ZNF37A: variants seen among roughly 807,000 people sequenced by gnomAD.
ZNF37A encodes the protein zinc finger protein 37a (KOX 21).
A neutral mutation model predicts 12.3 loss-of-function variants in ZNF37A; 10 were observed. The observed-to-expected ratio is 0.82, with a 90% CI of 0.50 to 1.38. ZNF37A has a LOEUF of 1.38. Among genes scored for constraint, ZNF37A ranks in the 40% most tolerant of loss-of-function variants. The pLI is 0.00. For missense variants in ZNF37A, 580 were observed against 651.2 expected (o/e 0.89, Z 1.19); for synonymous variants, 207 against 223.0 (o/e 0.93, Z 0.64).
At chr10:38,116,017 C>T (rs1172811293) in intron 7 of ZNF37A, among the ~76,000 whole-genome samples, 1 of 152,080 alleles carries the variant, frequency 6.6e-6, no homozygotes, top group Non-Finnish European at 1.5e-5. Flanking sequence ...CTGCAGTTAA[C>T]TGTGTTTGTG....
At chr10:38,147,930 A>C (rs2070274991) in exon 8 of ZNF37A, 1 of 152,360 alleles carries the variant, frequency 6.6e-6, no homozygotes, top group African/African-American at 2.4e-5. Flanking sequence ...AAAAATGTGG[A>C]AAATTGATTT....
At chr10:38,097,473 G>A (rs1384875412) in intron 5 of ZNF37A, among the ~76,000 whole-genome samples, 1 of 151,196 alleles carries the variant, frequency 6.6e-6, no homozygotes, top group African/African-American at 2.4e-5. Context: ...AGCTAGTCAG[G>A]AGGCTGAGGC....
In ZNF37A at chr10:38,101,785, T is replaced by A. The variant is rs118155671; in HGVS notation, c.15+5153T>A. 1.2e-3 allele frequency among the ~76,000 whole-genome samples: 178 copies of A among 151,772 alleles called. 4 individuals are homozygous for A. The East Asian group carries it at 0.029, about 25-fold the overall frequency. On this transcript the variant is annotated intron_variant, in intron 5 of 7. Coordinates refer to ENST00000685332, the MANE Select transcript of ZNF37A (RefSeq NM_001324250.3). Reference sequence around the variant, plus strand: ...ACTATATATAGTTGGATCATATATTTGTATTTATTTTGCCAATTTCTTTTT... The same window carrying A: ...ACTATATATAGTTGGATCATATATTAGTATTTATTTTGCCAATTTCTTTTT...
chr10:38,137,470 C>G (rs1590946879), intron 7 of ZNF37A: 1 of 152,140 alleles, frequency 6.6e-6, no homozygotes, highest in South Asian at 2.1e-4. Flanking sequence ...CCTTTTGAAT[C>G]CCTTGGTGGC....
At position 38,119,390 on chromosome 10, in the gene ZNF37A, G is replaced by A. The variant is rs935753107; in HGVS notation, c.*553G>A. 1.1e-5 allele frequency: 11 copies of A among 992,198 alleles called. No homozygotes were observed. The highest frequency in any genetic ancestry group is 1.7e-5 in the African/African-American group (1 of 57,246). The allele number at this position is 992,198 out of a possible 1,614,324, so 61.5% of individuals were successfully genotyped here. A position where few individuals can be genotyped will look rare whatever the true frequency, so the allele number is the denominator to read the frequency against. On this transcript the variant is annotated 3_prime_UTR_variant, in exon 8 of 8. Transcript: ENST00000685332. ...ACAAACTGTAGGAAACTATAGGAAA[G>A]CATTTACTATGAGGTTATATTTTAT...
chr10:38,096,567 T>G lies in ZNF37A; in HGVS notation c.-44-7T>G. 6.3e-7 allele frequency: 1 copy of G among 1,595,738 alleles called. No individual in the cohort carries two copies. Among genetic ancestry groups the G allele is most frequent in the East Asian group, 2.2e-5 (1 of 44,608 alleles). ...GACATCACTCATGATCTTTTCTTATTTCTCAGCTACACCCTCACAGTTTGC... is the reference window on the plus strand; with the variant it reads ...GACATCACTCATGATCTTTTCTTATGTCTCAGCTACACCCTCACAGTTTGC... On this transcript the variant is annotated splice_polypyrimidine_tract_variant and splice_region_variant and intron_variant, in intron 4 of 7. Transcript: ENST00000685332.
chr10:38,149,917 A>G (rs1017980289), exon 8 of ZNF37A: 2 of 152,216 alleles, frequency 1.3e-5, no homozygotes, highest in African/African-American at 4.8e-5. Flanking sequence ...TCTTCTGCAC[A>G]AAATTGTAAG....
At chr10:38,110,737 A>G (rs1159609927) in intron 5 of ZNF37A, among the ~76,000 whole-genome samples, 2 of 152,262 alleles carry the variant, frequency 1.3e-5, no homozygotes, top group African/African-American at 4.8e-5. Flanking sequence ...AAAAAAGCTC[A>G]TCATCACTGG....
At position 38,118,470 on chromosome 10, in the gene ZNF37A, A is replaced by C. The variant is rs758216262; in HGVS notation, c.1319A>C (p.Glu440Ala). The C allele has an allele frequency of 1.2e-6, 2 of 1,614,008 alleles. No homozygotes were observed. The highest frequency in any genetic ancestry group is 2.2e-5 in the South Asian group (2 of 91,086). ...LRTHTGEKPY[E>A]CIQCGKFFCY... ...ACTCACACAGGTGAGAAACCTTATG[A>C]ATGTATTCAGTGTGGAAAATTTTTC... The change falls in exon 8 of 8, where the codon GAA (glutamate) becomes GCA (alanine). Residue 440 changes from glutamate (E) to alanine (A), a missense_variant. Coordinates refer to ENST00000685332, the MANE Select transcript of ZNF37A (RefSeq NM_001324250.3).
At chr10:38,102,985 T>G (rs1293311418) in intron 5 of ZNF37A, among the ~76,000 whole-genome samples, 2 of 152,170 alleles carry the variant, frequency 1.3e-5, no homozygotes, top group African/African-American at 4.8e-5. Flanking sequence ...AGACTCTTTG[T>G]CTTCTGACAA....
chr10:38,100,687 C>T (rs1458090438), intron 5 of ZNF37A, among the ~76,000 whole-genome samples: 2 of 152,166 alleles, frequency 1.3e-5, no homozygotes, highest in Admixed American at 1.3e-4. Context: ...TGCAAACACA[C>T]AAGCTCTACA....
In ZNF37A at chr10:38,118,812, T is replaced by A. The variant is rs2069511449; in HGVS notation, c.1661T>A (p.Val554Glu). Residue 554 changes from valine to glutamate, a missense_variant, in exon 8 of 8, where the codon GTA becomes GAA. Transcript: ENST00000685332. ...IHLGRNPINV[V>E]NEGNYSG Reference sequence around the variant, plus strand: ...TTGGGGAGAAACCCTATAAATGTAGTAAACGAGGGAAATTACTCTGGGTGA... The same window carrying A: ...TTGGGGAGAAACCCTATAAATGTAGAAAACGAGGGAAATTACTCTGGGTGA... The A allele has an allele frequency of 6.3e-7, 1 of 1,581,308 alleles. No homozygotes were observed. The highest frequency in any genetic ancestry group is 1.4e-5 in the African/African-American group (1 of 73,670).
chr10:38,111,483 A>AT (rs2068649291), intron 5 of ZNF37A, among the ~76,000 whole-genome samples: 1 of 151,606 alleles, frequency 6.6e-6, no homozygotes, highest in Non-Finnish European at 1.5e-5. Flanking sequence ...AAGTATAATA[A>AT]TAAAAAAAAA....
intron 7 of ZNF37A, 161 bp downstream of exon 7, chr10:38,115,451 A>G: frequency 1.1e-6 from 1 of 913,596 alleles, no homozygotes; most frequent in South Asian, 2.0e-5. Context: ...GTGACTCTGA[A>G]TCACCCAGCA....
At chr10:38,134,365 G>T (rs2070076129) in intron 7 of ZNF37A, among the ~76,000 whole-genome samples, 1 of 152,152 alleles carries the variant, frequency 6.6e-6, no homozygotes, top group African/African-American at 2.4e-5. Flanking sequence ...AGGAGAAGAG[G>T]TTCTCTAATT....
At position 38,115,107 on chromosome 10, in the gene ZNF37A, G is replaced by GTGTGTGTGTGTGTA. The variant is rs760818353; in HGVS notation, c.143-79_143-78insGTGTATGTGTGTGT. On this transcript the variant is annotated intron_variant, in intron 6 of 7. Coordinates refer to ENST00000685332, the MANE Select transcript of ZNF37A (RefSeq NM_001324250.3). ...TGTGTGTGTGTGTGTGTGTGTGTGT[G>GTGTGTGTGTGTGTA]TGTGTGTGTACTGTTTGGGGTATAC... 6.2e-3 allele frequency: 5,652 copies of GTGTGTGTGTGTGTA among 915,656 alleles called. 53 individuals carry two copies. Among genetic ancestry groups the GTGTGTGTGTGTGTA allele is most frequent in the Middle Eastern group, 0.011 (34 of 2,964 alleles). 56.7% of individuals were successfully genotyped at this position (915,656 alleles called of 1,614,324 possible).
At chr10:38,113,356 G>A (rs2068983176) in intron 5 of ZNF37A, among the ~76,000 whole-genome samples, 1 of 151,638 alleles carries the variant, frequency 6.6e-6, no homozygotes, top group African/African-American at 2.4e-5. Context: ...GGGATTACAG[G>A]CGTCCACAGT....
downstream of ZNF37A, among the ~76,000 whole-genome samples, chr10:38,126,916 A>G (rs1015838502): frequency 1.4e-4 from 22 of 152,326 alleles, no homozygotes; most frequent in Admixed American, 1.4e-3. Flanking sequence ...TGGGCCCTAG[A>G]AAAGAGCTCT....
intron 5 of ZNF37A, among the ~76,000 whole-genome samples, chr10:38,112,745 CTT>C (rs1564931878): frequency 2.9e-5 from 1 of 34,448 alleles, no homozygotes; most frequent in Non-Finnish European, 6.0e-5. Flanking sequence ...CTTTTCTTTT[CTT>C]TTCTTTTCTT....
Sources: allele counts gnomAD v4.1 joint callset (sites outside exome capture counted in the v4.1 genomes callset), GRCh38; gene constraint gnomAD v4.1.1; transcripts MANE v1.5; gene names NCBI Gene and HGNC (gene_info 2026-07-23, HGNC 2026-07-21).